The following DGKZ variants were observed in gnomAD, a reference collection of about 807,000 sequenced individuals.
DGKZ encodes the protein DAG kinase zeta.
A neutral mutation model predicts 142.5 loss-of-function variants in DGKZ; 45 were observed. The ratio of observed to expected loss-of-function variants is 0.32; its 90% confidence interval spans 0.25 to 0.40. The LOEUF (loss-of-function observed/expected upper bound fraction) is 0.40, where lower values mean the gene tolerates loss of function less well. Among genes scored for constraint, DGKZ ranks in the 10% least tolerant of loss-of-function variants. The pLI is 1.00. For missense variants in DGKZ, 755 were observed against 1,306.5 expected (o/e 0.58, Z 6.51); for synonymous variants, 442 against 527.0 (o/e 0.84, Z 2.21).
At chr11:46,360,995 G>A (rs1486776548) in intron 1 of DGKZ, among the ~76,000 whole-genome samples, 2 of 152,176 alleles carry the variant, frequency 1.3e-5, no homozygotes, top group Non-Finnish European at 2.9e-5. Flanking sequence ...CAACCAAATC[G>A]GAGTTGTGGG....
In DGKZ at chr11:46,367,136, C is replaced by G. The variant is rs528018879; in HGVS notation, c.162-155C>G. 5 of 1,277,288 alleles carry G rather than the reference C, an allele frequency of 3.9e-6. No homozygotes were observed. In the East Asian group the frequency reaches 1.0e-4, roughly 26 times the overall value. The allele number at this position is 1,277,288 out of a possible 1,614,324, so 79.1% of individuals were successfully genotyped here. ...GCCAGCGTACCCCAAAAGGCCATGT[C>G]TCTTGCAGGGAGCCTCTTAGTGTCT... On this transcript the variant is annotated intron_variant, in intron 1 of 30. Coordinates refer to ENST00000527911, the Ensembl canonical transcript of DGKZ. The surrounding 1 kb of genome is among the most constrained non-coding windows in gnomAD (Gnocchi z 4.1).
At chr11:46,366,398 C>G (rs752650530) in intron 1 of DGKZ, 2 of 1,525,022 alleles carry the variant, frequency 1.3e-6, no homozygotes, top group Non-Finnish European at 1.8e-6. Flanking sequence ...CTCACTGGCA[C>G]AGCGGCGCCG....
At chr11:46,363,897 G>A (rs1448606987) in intron 1 of DGKZ, among the ~76,000 whole-genome samples, 2 of 152,170 alleles carry the variant, frequency 1.3e-5, no homozygotes, top group East Asian at 3.9e-4. Context: ...GGGAAGACCC[G>A]GGTTCAGGTC....
intron 1 of DGKZ, chr11:46,361,573 G>A: frequency 1.0e-6 from 1 of 954,808 alleles, no homozygotes; most frequent in Non-Finnish European, 1.2e-6. Context: ...CAAGGGGGAG[G>A]GGGCAGAGGA....
chr11:46,371,656 T>A (rs1324280223), intron 8 of DGKZ, 48 bp from the exon 9 acceptor site: 1 of 1,613,464 alleles, frequency 6.2e-7, no homozygotes, highest in African/African-American at 1.3e-5. Flanking sequence ...GTCTGCCAGC[T>A]ACCCCAGCCT....
chr11:46,366,346 A>G (rs983437193), intron 1 of DGKZ: 1 of 1,548,410 alleles, frequency 6.5e-7, no homozygotes, highest in Non-Finnish European at 8.7e-7. Context: ...GGCTGCCCAC[A>G]GGCAAGGCCC....
At chr11:46,364,854 A>G in intron 1 of DGKZ, 7 of 985,396 alleles carry the variant, frequency 7.1e-6, no homozygotes, top group Non-Finnish European at 8.4e-6. Context: ...TGTCAGCCCC[A>G]GGCAGCACTG....
chr11:46,372,689 G>A lies in DGKZ; in HGVS notation c.1071+12G>A, dbSNP rs763387695. 40 of 1,612,732 alleles carry A rather than the reference G, an allele frequency of 2.5e-5. No homozygotes were observed. The highest frequency in any genetic ancestry group is 1.5e-4 in the Admixed American group (9 of 59,952). On this transcript the variant is annotated intron_variant, in intron 12 of 30. Coordinates refer to ENST00000527911, the Ensembl canonical transcript of DGKZ. This position sits in a 1 kb window ranked among gnomAD's most constrained non-coding sequence, Gnocchi z 5.9. ...GGGGCGACGGCACGGTGAGCTCCCC[G>A]CATGGGCCAGCCGAGCACCAGGGCT... is the stretch of plus-strand genomic sequence containing the variant.
upstream of DGKZ, among the ~76,000 whole-genome samples, chr11:46,347,210 G>C (rs1024427474): frequency 4.6e-5 from 7 of 152,138 alleles, no homozygotes; most frequent in Non-Finnish European, 1.0e-4. This position sits in a 1 kb window ranked among gnomAD's most constrained non-coding sequence, Gnocchi z 6.4. Context: ...GTCTGGATGC[G>C]CGCAGTGCGA....
At chr11:46,359,637 T>G (rs1942414240) in intron 1 of DGKZ, among the ~76,000 whole-genome samples, 1 of 151,968 alleles carries the variant, frequency 6.6e-6, no homozygotes, top group South Asian at 2.1e-4. Context: ...GGAGTCTCGC[T>G]CTGTGGCCAA....
At chr11:46,361,754 G>T in intron 1 of DGKZ, 5 of 830,172 alleles carry the variant, frequency 6.0e-6, no homozygotes, top group Non-Finnish European at 5.8e-6. Flanking sequence ...TCCTCCCTCT[G>T]TATCTGGCTG....
chr11:46,366,137 T>A (rs1158897968), intron 1 of DGKZ: 1 of 1,399,462 alleles, frequency 7.1e-7, no homozygotes, highest in African/African-American at 1.5e-5. Context: ...AATGGGCTCC[T>A]GGTTGCTTCC....
chr11:46,346,032 C>T (rs1940577958), upstream of DGKZ, among the ~76,000 whole-genome samples: 1 of 152,210 alleles, frequency 6.6e-6, no homozygotes, highest in Non-Finnish European at 1.5e-5. Flanking sequence ...GATCTGCCCT[C>T]CTCCTGGCCA....
chr11:46,334,293 C>A (rs1939904475), intron 1 of DGKZ, among the ~76,000 whole-genome samples: 1 of 152,242 alleles, frequency 6.6e-6, no homozygotes, highest in Admixed American at 6.5e-5. Flanking sequence ...ACAGCCTCAA[C>A]TTGGACTTGC....
rs1338765928 is a variant in DGKZ at position 46,357,015 on chromosome 11, G to C, written c.161+9195G>C. 2.0e-5 allele frequency among the ~76,000 whole-genome samples: 3 copies of C among 152,300 alleles called. No homozygotes were observed. In the East Asian group the frequency reaches 5.8e-4, roughly 29 times the overall value. On this transcript the variant is annotated intron_variant, in intron 1 of 30. Transcript: ENST00000527911. ...GTCTTTGCATTTTGCTCAGCTGACA[G>C]TAGAGTCAGTAAAAGGTGATTGGGT...
chr11:46,365,625 C>T (rs1943163629), intron 1 of DGKZ: 3 of 985,258 alleles, frequency 3.0e-6, no homozygotes, highest in Non-Finnish European at 3.6e-6. Context: ...TTCAGCCTGA[C>T]CCCAAGGCTA....
chr11:46,340,336 A>C (rs1007515573), intron 1 of DGKZ, among the ~76,000 whole-genome samples: 3 of 152,192 alleles, frequency 2.0e-5, no homozygotes, highest in African/African-American at 7.2e-5. Flanking sequence ...GAGGCTTGGA[A>C]GGCAGGAGAC....
At chr11:46,365,108 G>A in intron 1 of DGKZ, 1 of 985,428 alleles carries the variant, frequency 1.0e-6, no homozygotes, top group Non-Finnish European at 1.2e-6. Flanking sequence ...GAGGTGAGCT[G>A]GCAGAGGGAG....
At chr11:46,335,321 A>G (rs1225259902) in intron 1 of DGKZ, among the ~76,000 whole-genome samples, 1 of 152,198 alleles carries the variant, frequency 6.6e-6, no homozygotes, top group Non-Finnish European at 1.5e-5. Flanking sequence ...AAAAAAAAAA[A>G]AAAATCACAA....
Sources: gnomAD v4.1 joint callset for allele counts (sites outside exome capture counted in the v4.1 genomes callset) on GRCh38, gnomAD v4.1.1 for gene constraint, Gnocchi (gnomAD v3.1) non-coding constraint, MANE v1.5 for transcripts, NCBI Gene and HGNC (gene_info 2026-07-23, HGNC 2026-07-21) for gene names.